SLC27A2: variants seen among roughly 807,000 people sequenced by gnomAD.
SLC27A2 encodes the protein long-chain fatty acid transport protein 2.
SLC27A2 carries 54 observed loss-of-function variants against 60.0 expected under a neutral mutation model. That is an observed-to-expected ratio of 0.90 (90% CI 0.72 to 1.13). The LOEUF is 1.13. Ranked by LOEUF, SLC27A2 falls within the 50% of genes most tolerant of loss-of-function variation. The probability of loss-of-function intolerance (pLI) is 0.00; values close to 1 mark genes in which losing one functional copy is unlikely to be tolerated. For missense variants in SLC27A2, 739 were observed against 777.6 expected (o/e 0.95, Z 0.59); for synonymous variants, 297 against 297.6 (o/e 1.00, Z 0.02).
chr15:50,204,471 C>T (rs1037316895), intron 3 of SLC27A2, among the ~76,000 whole-genome samples: 26 of 151,178 alleles, frequency 1.7e-4, no homozygotes, highest in Non-Finnish European at 1.3e-4. Flanking sequence ...CGGTGGCTCA[C>T]GCCTGTAATC....
At chr15:50,202,780 G>A in intron 3 of SLC27A2, 135 bp downstream of exon 3, 1 of 783,872 alleles carries the variant, frequency 1.3e-6, no homozygotes, top group East Asian at 2.5e-5. Flanking sequence ...AAGGCAATTT[G>A]AATCACATAT....
intron 1 of SLC27A2, among the ~76,000 whole-genome samples, chr15:50,191,746 A>G (rs1224893239): frequency 6.6e-6 from 1 of 152,212 alleles, no homozygotes; most frequent in Non-Finnish European, 1.5e-5. Context: ...AGGTAGATAG[A>G]TATTTTATGC....
rs766799808 is a variant in SLC27A2, at chr15:50,226,023, G to A, written c.1203G>A (p.Val401=). ...CTTATGACCTGATTAAATATGATGT[G>A]GAGAAAGATGAACCTGTCCGTGATG... The part of the protein sequence containing the change: ...IITYDLIKYD[V]EKDEPVRDEN... The change falls in exon 6 of 10, where the codon GTG becomes GTA. Residue 401 remains valine (V), a synonymous_variant. Transcript: ENST00000267842. The A allele has an allele frequency of 2.7e-5, 44 of 1,609,204 alleles. No individual in the cohort carries two copies. The highest frequency in any genetic ancestry group is 3.5e-5 in the Non-Finnish European group (41 of 1,175,644).
rs143557372 is a variant in SLC27A2, at chr15:50,182,702, C to G, written c.275C>G (p.Ala92Gly). 1 of 1,613,852 alleles carries G rather than the reference C, an allele frequency of 6.2e-7. No homozygotes were observed. The highest frequency in any genetic ancestry group is 1.7e-5 in the Admixed American group (1 of 60,018). ...AQVDRRSNQV[A>G]RALHDHLGLR... Reference sequence around the variant, plus strand: ...GTGGACCGGCGCAGCAATCAAGTGGCCCGGGCGCTGCACGACCACCTCGGC... The same window carrying G: ...GTGGACCGGCGCAGCAATCAAGTGGGCCGGGCGCTGCACGACCACCTCGGC... Residue 92 changes from alanine (A) to glycine (G), a missense_variant, in exon 1 of 10, where the codon GCC (alanine) becomes GGC (glycine). Physicochemically the swap from Ala to Gly is moderately conservative, Grantham distance 60. Coordinates refer to ENST00000267842, the MANE Select transcript of SLC27A2 (RefSeq NM_003645.4).
At chr15:50,194,426 G>A (rs1231575813) in intron 1 of SLC27A2, among the ~76,000 whole-genome samples, 1 of 152,100 alleles carries the variant, frequency 6.6e-6, no homozygotes, top group African/African-American at 2.4e-5. Context: ...GTGGTTAGAG[G>A]AAAGAGGGCA....
intron 1 of SLC27A2, among the ~76,000 whole-genome samples, chr15:50,189,516 G>A (rs2554885): frequency 0.85 from 129,272 of 152,198 alleles, 55,640 homozygotes; most frequent in East Asian, 0.95. Context: ...TATTCTCTAA[G>A]ATTTTTCTTC....
chr15:50,202,673 G>T, intron 3 of SLC27A2, 28 bp downstream of exon 3: 1 of 1,605,032 alleles, frequency 6.2e-7, no homozygotes. Flanking sequence ...AATGTTGGAG[G>T]CGAGTGCACA....
In SLC27A2 at chr15:50,200,534, C is replaced by T. The variant is rs986387991; in HGVS notation, c.689-1953C>T. ...ATGGTAGGTTGCTAGCCATATTTGT[C>T]TGCCTTGTAACAAGTTGCTGCTATT... On this transcript the variant is annotated intron_variant, in intron 2 of 9. Coordinates refer to ENST00000267842, the MANE Select transcript of SLC27A2 (RefSeq NM_003645.4). Among the ~76,000 whole-genome samples the T allele has an allele frequency of 1.6e-4, 25 of 152,170 alleles. 1 individual carries two copies. Among genetic ancestry groups the T allele is most frequent in the African/African-American group, 5.6e-4 (23 of 41,426 alleles).
At chr15:50,183,722 C>A (rs2044892709) in intron 1 of SLC27A2, among the ~76,000 whole-genome samples, 1 of 152,130 alleles carries the variant, frequency 6.6e-6, no homozygotes, top group Non-Finnish European at 1.5e-5. Context: ...TGAATAAGGA[C>A]CAAGGGTTCC....
intron 1 of SLC27A2, chr15:50,191,010 A>T (rs1248779148): frequency 1.3e-5 from 2 of 152,230 alleles, no homozygotes; most frequent in Non-Finnish European, 2.9e-5. Flanking sequence ...ACTTTGCTAG[A>T]ACTTAATCTG....
At chr15:50,231,521 AC>A (rs1178353235) in intron 8 of SLC27A2, among the ~76,000 whole-genome samples, 2 of 152,084 alleles carry the variant, frequency 1.3e-5, no homozygotes, top group Non-Finnish European at 2.9e-5. Context: ...TTAAAAAAAA[AC>A]ACACACACTG....
At position 50,236,146 on chromosome 15, in the gene SLC27A2, A is replaced by C. The variant is rs763541450; in HGVS notation, c.*50A>C. On this transcript the variant is annotated 3_prime_UTR_variant, in exon 10 of 10. Coordinates refer to ENST00000267842, the MANE Select transcript of SLC27A2 (RefSeq NM_003645.4). ...ATTTCCAGAAAGAAACTGAATGGACAGCCACTTGATATAATCCAACTTTAA... is the reference window on the plus strand; with the variant it reads ...ATTTCCAGAAAGAAACTGAATGGACCGCCACTTGATATAATCCAACTTTAA... 2 of 1,421,334 alleles carry C rather than the reference A, an allele frequency of 1.4e-6. No individual in the cohort carries two copies. Among genetic ancestry groups the C allele is most frequent in the Non-Finnish European group, 1.9e-6 (2 of 1,053,252 alleles). The allele number at this position is 1,421,334 out of a possible 1,614,324, so 88.0% of individuals were successfully genotyped here.
At chr15:50,205,729 C>T (rs1307510008) in intron 4 of SLC27A2, among the ~76,000 whole-genome samples, 1 of 152,114 alleles carries the variant, frequency 6.6e-6, no homozygotes, top group African/African-American at 2.4e-5. Flanking sequence ...TACTCTTCTC[C>T]CCTACGTCAT....
At chr15:50,234,765 A>AT (rs1567440091) in intron 9 of SLC27A2, among the ~76,000 whole-genome samples, 1 of 152,084 alleles carries the variant, frequency 6.6e-6, no homozygotes, top group East Asian at 1.9e-4. Context: ...TCTAAAAAAA[A>AT]ATATATCAGA....
Position 50,205,237 on chromosome 15 carries a change from A to G in SLC27A2, c.848-2A>G. 1 of 1,606,602 alleles carries G rather than the reference A, an allele frequency of 6.2e-7. No individual in the cohort carries two copies. The highest frequency in any genetic ancestry group is 8.5e-7 in the Non-Finnish European group (1 of 1,175,386). ...TTGACACTTTCTGTGCTTTCTCTGT[A>G]GGTGCTACTCTTGCCTTGCGGACTA... On this transcript the variant is annotated splice_acceptor_variant, in intron 3 of 9. Coordinates refer to ENST00000267842, the MANE Select transcript of SLC27A2 (RefSeq NM_003645.4). LOFTEE classifies it high-confidence loss of function.
intron 1 of SLC27A2, among the ~76,000 whole-genome samples, chr15:50,184,259 C>G (rs1039285760): frequency 6.6e-6 from 1 of 151,924 alleles, no homozygotes; most frequent in Non-Finnish European, 1.5e-5. Flanking sequence ...TCGCAAAGTG[C>G]TGGGATTACA....
At chr15:50,202,341 G>A (rs1245186000) in intron 2 of SLC27A2, 146 bp from the exon 3 acceptor site, 1 of 717,206 alleles carries the variant, frequency 1.4e-6, no homozygotes, top group African/African-American at 1.8e-5. Flanking sequence ...GAAAACATTT[G>A]TCAACTCCTG....
rs939567189 is a variant in SLC27A2 at position 50,208,043 on chromosome 15, C to CCTAGAATA, written c.972+2682_972+2689dup. Among the ~76,000 whole-genome samples the CCTAGAATA allele has an allele frequency of 9.9e-5, 15 of 152,176 alleles. No individual in the cohort carries two copies. The East Asian group carries it at 2.7e-3, about 27-fold the overall frequency. ...AGGAACTTCTTCACCCTTAGAGCTG[C>CCTAGAATA]CTAGAATACGCTGTTGCTGGAGGGA... is the stretch of plus-strand genomic sequence containing the variant. On this transcript the variant is annotated intron_variant, in intron 4 of 9. Transcript: ENST00000267842.
chr15:50,223,209 G>C (rs752452970), intron 5 of SLC27A2, 50 bp downstream of exon 5: 1 of 1,400,470 alleles, frequency 7.1e-7, no homozygotes, highest in Non-Finnish European at 9.8e-7. Flanking sequence ...TCAGAATACA[G>C]AGACTTCTTA....
Sources: allele counts gnomAD v4.1 joint callset (sites outside exome capture counted in the v4.1 genomes callset), GRCh38; gene constraint gnomAD v4.1.1; transcripts MANE v1.5; gene names NCBI Gene and HGNC (gene_info 2026-07-23, HGNC 2026-07-21).